Variants in MYO9A observed in about 807,000 individuals in gnomAD.
MYO9A encodes unconventional myosin-IXa.
MYO9A carries 103 observed loss-of-function variants against 293.3 expected under a neutral mutation model. That is an observed-to-expected ratio of 0.35 (90% CI 0.30 to 0.41). The LOEUF (loss-of-function observed/expected upper bound fraction) is 0.41, where lower values mean the gene tolerates loss of function less well. Among genes scored for constraint, MYO9A ranks in the 10% least tolerant of loss-of-function variants. The probability of loss-of-function intolerance (pLI) is 1.00; values close to 1 mark genes in which losing one functional copy is unlikely to be tolerated. For missense variants in MYO9A, 2,685 were observed against 3,033.0 expected, an observed-to-expected ratio of 0.89 and a Z score of 2.69; for synonymous variants, 1,001 against 1,035.7, an observed-to-expected ratio of 0.97 and a Z score of 0.64.
intron 18 of MYO9A, among the ~76,000 whole-genome samples, chr15:71,926,227 G>C: frequency 6.6e-6 from 1 of 152,152 alleles, no homozygotes; most frequent in East Asian, 1.9e-4. Flanking sequence ...GTGCCACCAA[G>C]CAAGCCAGTC....
rs2054512277 is a variant in MYO9A, at chr15:71,826,631, G to A, written c.7596C>T (p.Cys2532=). The part of the protein sequence containing the change: ...SGRRKTVDPD[C]TSNQQLALFG... ...AGAGTGCTAGCTGTTGGTTGGAGGT[G>A]CAGTCTGGGTCCACAGTTTTTCTGC... The change falls in exon 42 of 42, where the codon TGC becomes TGT. Residue 2532 remains cysteine (C), a synonymous_variant. Coordinates refer to ENST00000356056, the MANE Select transcript of MYO9A (RefSeq NM_006901.4). 4 of 1,611,018 alleles carry A rather than the reference G, an allele frequency of 2.5e-6. No homozygotes were observed. The highest frequency in any genetic ancestry group is 1.3e-5 in the African/African-American group (1 of 74,438).
At chr15:71,835,445 A>G (rs1423887752) in intron 39 of MYO9A, among the ~76,000 whole-genome samples, 2 of 152,234 alleles carry the variant, frequency 1.3e-5, no homozygotes, top group Non-Finnish European at 2.9e-5. Flanking sequence ...AAAGTCACTG[A>G]ATACAAGATG....
At chr15:72,064,340 A>T (rs2078959039) in intron 1 of MYO9A, among the ~76,000 whole-genome samples, 2 of 152,338 alleles carry the variant, frequency 1.3e-5, no homozygotes, top group East Asian at 3.9e-4. Flanking sequence ...AACACAAAGA[A>T]ATGATAAATG....
chr15:71,922,771 G>A (rs1357497354), intron 18 of MYO9A, among the ~76,000 whole-genome samples: 2 of 152,116 alleles, frequency 1.3e-5, no homozygotes, highest in Non-Finnish European at 2.9e-5. Flanking sequence ...TTCCTGGGGA[G>A]CAAATATGTA....
intron 15 of MYO9A, 94 bp from the exon 16 acceptor site, chr15:71,939,021 C>A: frequency 1.2e-6 from 1 of 853,824 alleles, no homozygotes; most frequent in South Asian, 1.7e-5. Flanking sequence ...AATTTAATCA[C>A]GAGTATTTGC....
intron 18 of MYO9A, among the ~76,000 whole-genome samples, chr15:71,925,028 T>C (rs2058255341): frequency 6.6e-6 from 1 of 152,152 alleles, no homozygotes. Context: ...AGTTTAACTC[T>C]ATCGTTCTTT....
chr15:72,001,088 G>C (rs1248354372), intron 8 of MYO9A, among the ~76,000 whole-genome samples: 1 of 152,178 alleles, frequency 6.6e-6, no homozygotes, highest in African/African-American at 2.4e-5. Context: ...AGCACTGAGA[G>C]TTCTTATTTC....
chr15:71,915,607 T>A (rs932841045), intron 19 of MYO9A, among the ~76,000 whole-genome samples: 1 of 152,130 alleles, frequency 6.6e-6, no homozygotes, highest in East Asian at 1.9e-4. Flanking sequence ...AGATAGCTTA[T>A]GTTCAAACAT....
At chr15:71,905,924 T>C (rs900922600) in intron 19 of MYO9A, among the ~76,000 whole-genome samples, 1 of 152,098 alleles carries the variant, frequency 6.6e-6, no homozygotes, top group African/African-American at 2.4e-5. Flanking sequence ...ATTCTTTTTA[T>C]AGTTTATCGA....
intron 1 of MYO9A, among the ~76,000 whole-genome samples, chr15:72,081,597 T>G (rs2079548335): frequency 6.6e-6 from 1 of 152,246 alleles, no homozygotes; most frequent in Non-Finnish European, 1.5e-5. Context: ...TTTTGGTGTC[T>G]TCGTCATAAA....
Position 71,999,997 on chromosome 15 carries a change from T to C in MYO9A, c.1381-57A>G, listed in dbSNP as rs1450720109. On this transcript the variant is annotated intron_variant, in intron 8 of 41. Transcript: ENST00000356056. Reference sequence around the variant, plus strand: ...AGATTTATGACAATAGGTTGAATTATCTTTTGAAAAAGCCAAATAGAGGAG... The same window carrying C: ...AGATTTATGACAATAGGTTGAATTACCTTTTGAAAAAGCCAAATAGAGGAG... 2.1e-6 allele frequency: 3 copies of C among 1,459,212 alleles called. No individual in the cohort carries two copies. In the African/African-American group the frequency reaches 4.3e-5, roughly 21 times the overall value. 90.4% of individuals were successfully genotyped at this position (1,459,212 alleles called of 1,614,324 possible).
At chr15:72,014,601 G>A (rs773700854) in intron 6 of MYO9A, among the ~76,000 whole-genome samples, 1 of 152,000 alleles carries the variant, frequency 6.6e-6, no homozygotes, top group Non-Finnish European at 1.5e-5. Context: ...CAGAAGAATC[G>A]CTTGAACCCA....
intron 2 of MYO9A, among the ~76,000 whole-genome samples, 172 bp from the exon 3 acceptor site, chr15:72,032,760 A>C (rs112339054): frequency 2.0e-5 from 3 of 151,016 alleles, no homozygotes; most frequent in Non-Finnish European, 4.4e-5. Context: ...AAATTTTTTT[A>C]AAAAAAAAGC....
In MYO9A at chr15:71,899,779, C is replaced by A; in HGVS notation, c.3378G>T (p.Trp1126Cys). 6.2e-7 allele frequency: 1 copy of A among 1,614,186 alleles called. No homozygotes were observed. The highest frequency in any genetic ancestry group is 1.1e-5 in the South Asian group (1 of 91,082). Reference protein sequence around the residue: ...HMAAICIQARWKAYRESKRYQ... With the variant: ...HMAAICIQARCKAYRESKRYQ... ...ACCTTTTACTTTCCCTGTAGGCTTTCCATCTTGCTTGTATGCAAATAGCAG... is the reference window on the plus strand; with the variant it reads ...ACCTTTTACTTTCCCTGTAGGCTTTACATCTTGCTTGTATGCAAATAGCAG... Residue 1126 changes from tryptophan to cysteine, a missense_variant, in exon 24 of 42, where the codon TGG (tryptophan) becomes TGT (cysteine). Trp to Cys is a radical substitution (Grantham distance 215, BLOSUM62 -2). Around this residue, in one of 10 missense-constraint regions of MYO9A, gnomAD observed 1,434 missense variants for 1,497.7 expected, o/e 0.96. Coordinates refer to ENST00000356056, the MANE Select transcript of MYO9A (RefSeq NM_006901.4).
chr15:71,910,182 A>ATATATACGTGTATATAT, intron 19 of MYO9A, among the ~76,000 whole-genome samples: 1 of 145,736 alleles, frequency 6.9e-6, no homozygotes. Context: ...ATATATATAT[A>ATATATACGTGTATATAT]AAATCAGAAA....
At chr15:71,873,533 A>C (rs2056588743) in intron 32 of MYO9A, among the ~76,000 whole-genome samples, 2 of 152,120 alleles carry the variant, frequency 1.3e-5, no homozygotes, top group Admixed American at 1.3e-4. Context: ...TACATTCTCC[A>C]AGAAGATTAT....
chr15:72,032,380 A>G (rs1255360174), intron 3 of MYO9A, 114 bp downstream of exon 3: 1 of 646,668 alleles, frequency 1.5e-6, no homozygotes, highest in Non-Finnish European at 2.3e-6. Flanking sequence ...GACAGGGAAG[A>G]ATTTTAATGC....
intron 11 of MYO9A, among the ~76,000 whole-genome samples, chr15:71,985,258 A>AT (rs2076381006): frequency 6.6e-6 from 1 of 151,958 alleles, no homozygotes; most frequent in Non-Finnish European, 1.5e-5. Flanking sequence ...GTTTGCCTCC[A>AT]TGTATGTCTT....
chr15:72,068,904 T>C (rs540761197), intron 1 of MYO9A, among the ~76,000 whole-genome samples: 3 of 152,326 alleles, frequency 2.0e-5, no homozygotes, highest in African/African-American at 7.2e-5. Context: ...CATTCCATCC[T>C]CATAACAACC....
Sources: allele counts gnomAD v4.1 joint callset (sites outside exome capture counted in the v4.1 genomes callset), GRCh38; gene constraint gnomAD v4.1.1; regional missense constraint gnomAD v4.1.1; transcripts MANE v1.5; gene names NCBI Gene and HGNC (gene_info 2026-07-23, HGNC 2026-07-21).